The following CGNL1 variants were observed in gnomAD, a reference collection of about 807,000 sequenced individuals.
CGNL1 encodes cingulin-like protein 1.
In CGNL1, 132 loss-of-function variants were observed where a neutral mutation model predicts 141.2. The observed-to-expected ratio is 0.93, with a 90% CI of 0.81 to 1.08. CGNL1 has a LOEUF of 1.08. CGNL1 is among the 50% of genes least tolerant of loss of function. The probability of loss-of-function intolerance (pLI) is 0.00; values close to 1 mark genes in which losing one functional copy is unlikely to be tolerated. For missense variants in CGNL1, 1,870 were observed against 1,588.6 expected (o/e 1.18, Z -3.01); for synonymous variants, 690 against 622.1 (o/e 1.11, Z -1.63).
At chr15:57,387,309 G>A (rs2062494847) in intron 1 of CGNL1, among the ~76,000 whole-genome samples, 1 of 152,088 alleles carries the variant, frequency 6.6e-6, no homozygotes, top group Non-Finnish European at 1.5e-5. Flanking sequence ...TTTTTGCAGA[G>A]CACCCCAAGC....
At chr15:57,537,034 G>A (rs1483377898) in intron 14 of CGNL1, among the ~76,000 whole-genome samples, 15 of 152,134 alleles carry the variant, frequency 9.9e-5, no homozygotes, top group Non-Finnish European at 1.8e-4. Context: ...AGAGAGGTCC[G>A]GCTTCATATG....
At chr15:57,456,967 T>G (rs372546607) in intron 7 of CGNL1, among the ~76,000 whole-genome samples, 22 of 152,348 alleles carry the variant, frequency 1.4e-4, no homozygotes, top group African/African-American at 5.3e-4. Flanking sequence ...AAAACTTCTT[T>G]TGTAATGATA....
intron 6 of CGNL1, 62 bp downstream of exon 6, chr15:57,452,351 CTT>C: frequency 6.7e-7 from 1 of 1,488,554 alleles, no homozygotes. Context: ...TAGCTAGAAA[CTT>C]TCTGTCCATT....
At chr15:57,461,652 C>T (rs549862696) in intron 7 of CGNL1, 28 bp from the exon 8 acceptor site, 1 of 1,593,586 alleles carries the variant, frequency 6.3e-7, no homozygotes, top group South Asian at 1.1e-5. Flanking sequence ...TCATTGTCAC[C>T]TTCTCCCTTC....
intron 13 of CGNL1, among the ~76,000 whole-genome samples, chr15:57,530,681 G>T (rs1239641794): frequency 6.6e-6 from 1 of 152,306 alleles, no homozygotes; most frequent in East Asian, 1.9e-4. Flanking sequence ...CCTTAGAGAT[G>T]CTTGGCTCCT....
At chr15:57,447,378 C>T (rs1470967354) in intron 4 of CGNL1, among the ~76,000 whole-genome samples, 4 of 152,170 alleles carry the variant, frequency 2.6e-5, no homozygotes, top group Admixed American at 6.5e-5. Context: ...AGCTGTCATT[C>T]ACTCTCAGTT....
chr15:57,463,160 G>A (rs1451702028), intron 8 of CGNL1, among the ~76,000 whole-genome samples: 2 of 152,154 alleles, frequency 1.3e-5, no homozygotes, highest in African/African-American at 4.8e-5. Context: ...GGGCAGTTGA[G>A]AATAGTGTTG....
rs770839772 is a variant in CGNL1 at position 57,531,774 on chromosome 15, G to T, written c.3286G>T (p.Glu1096Ter). 6.3e-7 allele frequency: 1 copy of T among 1,593,210 alleles called. No homozygotes were observed. The highest frequency in any genetic ancestry group is 8.6e-7 in the Non-Finnish European group (1 of 1,161,148). ...GTCTGAGAGGATCAGTAGGAGCAGG[G>T]AACAGGTACTATTCTATAGGTGAAT... ...LLSERISRSR[E>*]QMEQLRNELL... Residue 1096 changes from glutamate (E) to a stop codon, truncating the protein, a stop_gained, in exon 14 of 19, where the codon GAA becomes TAA. Coordinates refer to ENST00000281282, the MANE Select transcript of CGNL1 (RefSeq NM_032866.5). LOFTEE classifies it high-confidence loss of function.
chr15:57,446,640 A>G (rs188542111), intron 4 of CGNL1, among the ~76,000 whole-genome samples: 113 of 148,016 alleles, frequency 7.6e-4, no homozygotes, highest in African/African-American at 2.2e-3. Context: ...TTTAGCTGCT[A>G]GGTGTAATGC....
At chr15:57,464,498 G>T (rs1406721013) in intron 8 of CGNL1, among the ~76,000 whole-genome samples, 1 of 152,180 alleles carries the variant, frequency 6.6e-6, no homozygotes, top group Admixed American at 6.5e-5. Flanking sequence ...TCCGTGCGGT[G>T]TCTGGCAAGT....
intron 1 of CGNL1, among the ~76,000 whole-genome samples, chr15:57,391,272 C>T (rs145868771): frequency 2.7e-4 from 41 of 152,278 alleles, no homozygotes; most frequent in African/African-American, 9.6e-4. Flanking sequence ...TGGAAGAAGC[C>T]ATGTGAGCCT....
chr15:57,451,469 TA>T (rs778881207), intron 4 of CGNL1, 30 bp from the exon 5 acceptor site: 8 of 1,472,154 alleles, frequency 5.4e-6, no homozygotes, highest in Non-Finnish European at 7.6e-6. Context: ...CCTGAACATT[TA>T]AATTAGTATA....
At chr15:57,376,719 CG>C (rs1356967401) in intron 1 of CGNL1, among the ~76,000 whole-genome samples, 152 bp downstream of exon 1, 1 of 151,586 alleles carries the variant, frequency 6.6e-6, no homozygotes, top group African/African-American at 2.4e-5. Context: ...CGGTGACCCG[CG>C]CCGCGCGTGT....
rs2063752947 is a variant in CGNL1 at position 57,483,552 on chromosome 15, ACAGTTTTATTTCT to A, written c.2403+21661_2403+21673del. On this transcript the variant is annotated intron_variant, in intron 8 of 18. Transcript: ENST00000281282. Reference sequence around the variant, plus strand: ...ACAATCATGTCATCTGCAAACAGGGACAGTTTTATTTCTTGCTTTCTGATGCTTTCTGATCTAT... The same window carrying A: ...ACAATCATGTCATCTGCAAACAGGGATGCTTTCTGATGCTTTCTGATCTAT... 2.1e-5 allele frequency among the ~76,000 whole-genome samples: 3 copies of A among 145,022 alleles called. No homozygotes were observed. The South Asian group carries it at 6.5e-4, about 31-fold the overall frequency.
chr15:57,531,572 A>T (rs990544948), intron 13 of CGNL1, 118 bp from the exon 14 acceptor site: 17 of 681,440 alleles, frequency 2.5e-5, no homozygotes, highest in Non-Finnish European at 4.5e-5. Flanking sequence ...TGTTTTTCCA[A>T]ACTCTAATGG....
intron 1 of CGNL1, among the ~76,000 whole-genome samples, chr15:57,388,936 T>G (rs1323197758): frequency 1.3e-5 from 2 of 152,216 alleles, no homozygotes; most frequent in Non-Finnish European, 2.9e-5. Context: ...CTTTTTCCAT[T>G]GTCCTTTAGA....
In CGNL1 at chr15:57,438,852, G is replaced by A. The variant is rs2063143878; in HGVS notation, c.853G>A (p.Gly285Arg). The A allele has an allele frequency of 6.2e-7, 1 of 1,614,182 alleles. No homozygotes were observed. Among genetic ancestry groups the A allele is most frequent in the Middle Eastern group, 1.6e-4 (1 of 6,062 alleles). Residue 285 changes from glycine (G) to arginine (R), a missense_variant, in exon 2 of 19, where the codon GGA (glycine) becomes AGA (arginine). Gly to Arg is a moderately radical substitution (Grantham distance 125). Coordinates refer to ENST00000281282, the MANE Select transcript of CGNL1 (RefSeq NM_032866.5). ...TCCCTTCCGGCGACAGGATTCAGCGGGACCCGTCCTGGATGGAGCTCGGTC... is the reference window on the plus strand; with the variant it reads ...TCCCTTCCGGCGACAGGATTCAGCGAGACCCGTCCTGGATGGAGCTCGGTC... ...VLPFRRQDSA[G>R]PVLDGARSRR... is the part of the protein sequence containing the mutation.
At chr15:57,538,198 T>TA (rs2032369265) in intron 14 of CGNL1, among the ~76,000 whole-genome samples, 1 of 152,238 alleles carries the variant, frequency 6.6e-6, no homozygotes, top group Non-Finnish European at 1.5e-5. Context: ...TAATACCACA[T>TA]AGTATTTCTT....
intron 1 of CGNL1, among the ~76,000 whole-genome samples, chr15:57,422,282 T>A (rs575889651): frequency 6.6e-6 from 1 of 152,108 alleles, no homozygotes; most frequent in South Asian, 2.1e-4. Context: ...GGTAGAAATG[T>A]CTGCTTCCTG....
Sources: gnomAD v4.1 joint callset for allele counts (sites outside exome capture counted in the v4.1 genomes callset) on GRCh38, gnomAD v4.1.1 for gene constraint, MANE v1.5 for transcripts, NCBI Gene and HGNC (gene_info 2026-07-23, HGNC 2026-07-21) for gene names.